FAM168B: variants seen among roughly 807,000 people sequenced by gnomAD.
FAM168B encodes the protein myelin-associated neurite-outgrowth inhibitor.
A neutral mutation model predicts 21.8 loss-of-function variants in FAM168B; 19 were observed. The observed-to-expected ratio is 0.87, with a 90% CI of 0.61 to 1.28. The LOEUF is 1.28. Ranked by LOEUF, FAM168B falls within the 50% of genes most tolerant of loss-of-function variation. The pLI, the probability that FAM168B is intolerant of heterozygous loss-of-function variation, is 0.00. For missense variants in FAM168B, 233 were observed against 263.1 expected (o/e 0.89, Z 0.79); for synonymous variants, 126 against 104.8 (o/e 1.20, Z -1.24).
At chr2:131,091,924 T>C (rs541951149) in intron 1 of FAM168B, among the ~76,000 whole-genome samples, 2 of 149,670 alleles carry the variant, frequency 1.3e-5, no homozygotes, top group African/African-American at 2.5e-5. Context: ...GGTCAGGAGA[T>C]TGGGACCATC....
chr2:131,067,872 GA>G (rs1186903614), intron 3 of FAM168B, among the ~76,000 whole-genome samples: 3 of 152,160 alleles, frequency 2.0e-5, no homozygotes, highest in African/African-American at 7.2e-5. Flanking sequence ...AAGGCTCACT[GA>G]AAAGGGAGTT....
At chr2:131,077,613 C>G (rs921197763) in intron 2 of FAM168B, among the ~76,000 whole-genome samples, 5 of 152,202 alleles carry the variant, frequency 3.3e-5, no homozygotes, top group Admixed American at 6.5e-5. Flanking sequence ...GCCTTGTTGA[C>G]CTGGGCGGTG....
At chr2:131,052,584 A>C in intron 6 of FAM168B, 132 bp from the exon 7 acceptor site, 1 of 774,992 alleles carries the variant, frequency 1.3e-6, no homozygotes, top group Non-Finnish European at 1.7e-6. Flanking sequence ...CCTGGTTCTC[A>C]CTTCCTTCCT....
intron 1 of FAM168B, among the ~76,000 whole-genome samples, chr2:131,089,665 C>T (rs1441942819): frequency 6.6e-6 from 1 of 150,928 alleles, no homozygotes; most frequent in African/African-American, 2.4e-5. Flanking sequence ...TTGCAATGAG[C>T]CGAGATGGCG....
rs1691457354 is a variant in FAM168B at position 131,048,769 on chromosome 2, ACT to A, written c.*3694_*3695del. ...CTCTGCCTTCCCCCAGGCCAACCACACTCTGCTTTAGAGACCCTCTCAGAAAG... is the reference window on the plus strand; with the variant it reads ...CTCTGCCTTCCCCCAGGCCAACCACACTGCTTTAGAGACCCTCTCAGAAAG... On this transcript the variant is annotated 3_prime_UTR_variant, in exon 7 of 7. Coordinates refer to ENST00000389915, the MANE Select transcript of FAM168B (RefSeq NM_001009993.4). 1.0e-6 allele frequency: 1 copy of A among 986,586 alleles called. No individual in the cohort carries two copies. The highest frequency in any genetic ancestry group is 1.2e-6 in the Non-Finnish European group (1 of 830,566). The allele number at this position is 986,586 out of a possible 1,614,324, so 61.1% of individuals were successfully genotyped here. A position where few individuals can be genotyped will look rare whatever the true frequency, so the allele number is the denominator to read the frequency against.
intron 1 of FAM168B, among the ~76,000 whole-genome samples, chr2:131,092,748 T>C (rs1694097910): frequency 6.6e-6 from 1 of 151,988 alleles, no homozygotes; most frequent in Non-Finnish European, 1.5e-5. Flanking sequence ...ATCTTAAAAA[T>C]CTGTAATTTA....
chr2:131,075,775 ACC>A (rs1003655495), intron 2 of FAM168B, among the ~76,000 whole-genome samples: 5 of 152,018 alleles, frequency 3.3e-5, no homozygotes, highest in Non-Finnish European at 7.4e-5. Context: ...GGCACGAGCC[ACC>A]GCGCCCGGCC....
chr2:131,058,402 C>T lies in FAM168B; in HGVS notation c.155-2707G>A, dbSNP rs377267464. Among the ~76,000 whole-genome samples the T allele has an allele frequency of 7.9e-5, 12 of 152,298 alleles. No homozygotes were observed. The East Asian group carries it at 1.9e-3, about 24-fold the overall frequency. On this transcript the variant is annotated intron_variant, in intron 3 of 6. Transcript: ENST00000389915. ...TGGGAGGTGCTGTGGCTGAGATCTG[C>T]AGCAGACCAAACAACAGGTGGTCCT...
At position 131,050,605 on chromosome 2, in the gene FAM168B, C is replaced by T. The variant is rs911610522; in HGVS notation, c.*1860G>A. The T allele has an allele frequency of 7.1e-6, 7 of 985,446 alleles. No individual in the cohort carries two copies. The highest frequency in any genetic ancestry group is 6.1e-5 in the Admixed American group (1 of 16,264). 61.0% of individuals were successfully genotyped at this position (985,446 alleles called of 1,614,324 possible). A position where few individuals can be genotyped will look rare whatever the true frequency, so the allele number is the denominator to read the frequency against. The stretch of plus-strand genomic sequence containing the variant: ...TCAGGAATAAAGAATCTGCTGTTTA[C>T]AATGATCCATGCAAAAATATTCCTA... On this transcript the variant is annotated 3_prime_UTR_variant, in exon 7 of 7. Coordinates refer to ENST00000389915, the MANE Select transcript of FAM168B (RefSeq NM_001009993.4).
At chr2:131,076,596 T>C (rs1049172310) in intron 2 of FAM168B, among the ~76,000 whole-genome samples, 1 of 144,126 alleles carries the variant, frequency 6.9e-6, no homozygotes, top group Non-Finnish European at 1.5e-5. Context: ...CAGCTTGCAG[T>C]GAGCCGAGAT....
intron 2 of FAM168B, among the ~76,000 whole-genome samples, chr2:131,077,681 C>T (rs1693227519): frequency 6.6e-6 from 1 of 152,178 alleles, no homozygotes. Flanking sequence ...GGACAGAAGG[C>T]CGTGGCTGGA....
At position 131,051,761 on chromosome 2, in the gene FAM168B, T is replaced by TGG; in HGVS notation, c.*703_*704insCC. On this transcript the variant is annotated 3_prime_UTR_variant, in exon 7 of 7. Transcript: ENST00000389915. ...TACCATAATCTTTCATGATGAGCTT[T>TGG]AAGCATGTCCCTGTTCCACTGACTC... The TGG allele has an allele frequency of 1.0e-6, 1 of 985,438 alleles. No individual in the cohort carries two copies. Among genetic ancestry groups the TGG allele is most frequent in the Non-Finnish European group, 1.2e-6 (1 of 829,918 alleles). 61.0% of individuals were successfully genotyped at this position (985,438 alleles called of 1,614,324 possible).
chr2:131,062,072 A>G (rs564851618), intron 3 of FAM168B, among the ~76,000 whole-genome samples: 251 of 152,342 alleles, frequency 1.6e-3, no homozygotes, highest in African/African-American at 5.7e-3. Flanking sequence ...CAATAAACCC[A>G]CGACCCACAT....
At chr2:131,052,606 A>G (rs966431234) in intron 6 of FAM168B, among the ~76,000 whole-genome samples, 154 bp from the exon 7 acceptor site, 6 of 152,116 alleles carry the variant, frequency 3.9e-5, no homozygotes, top group Admixed American at 6.5e-5. Context: ...GAGACCCCCA[A>G]TTGCAACTGG....
chr2:131,055,261 C>T lies in FAM168B; in HGVS notation c.475+11G>A, dbSNP rs555047140. ...CACCATAGGACAGACACCGCAGGAA[C>T]GAGGACTTACCTGCTGACATGGCCA... On this transcript the variant is annotated intron_variant, in intron 5 of 6. Coordinates refer to ENST00000389915, the MANE Select transcript of FAM168B (RefSeq NM_001009993.4). 32 of 1,541,024 alleles carry T rather than the reference C, an allele frequency of 2.1e-5. No individual in the cohort carries two copies. Among genetic ancestry groups the T allele is most frequent in the Middle Eastern group, 3.4e-4 (2 of 5,802 alleles).
At position 131,051,648 on chromosome 2, in the gene FAM168B, G is replaced by C; in HGVS notation, c.*817C>G. ...ACATATAAAAACATCATCTCTCTAA[G>C]AGAACTGTAATGAAAATTTAGATAG... On this transcript the variant is annotated 3_prime_UTR_variant, in exon 7 of 7. Transcript: ENST00000389915. 1 of 985,344 alleles carries C rather than the reference G, an allele frequency of 1.0e-6. No homozygotes were observed. The highest frequency in any genetic ancestry group is 4.7e-5 in the South Asian group (1 of 21,282). The allele number at this position is 985,344 out of a possible 1,614,324, so 61.0% of individuals were successfully genotyped here. A position where few individuals can be genotyped will look rare whatever the true frequency, so the allele number is the denominator to read the frequency against.
intron 1 of FAM168B, among the ~76,000 whole-genome samples, chr2:131,083,890 T>G (rs1693546524): frequency 1.3e-5 from 2 of 149,140 alleles, no homozygotes. Context: ...ATTTATTTAT[T>G]TATTTATTTA....
At chr2:131,083,874 GTATTTATT>G (rs10550552) in intron 1 of FAM168B, among the ~76,000 whole-genome samples, 29,040 of 148,004 alleles carry the variant, frequency 0.2, 3,776 homozygotes, top group African/African-American at 0.38. Context: ...GCAATTTCCT[GTATTTATT>G]TATTTATTTA....
intron 3 of FAM168B, among the ~76,000 whole-genome samples, chr2:131,067,721 A>T (rs191464175): frequency 2.0e-5 from 3 of 151,952 alleles, no homozygotes; most frequent in East Asian, 1.9e-4. Context: ...ATCCTATCAC[A>T]CTCACACACA....
Sources: gnomAD v4.1 joint callset for allele counts (sites outside exome capture counted in the v4.1 genomes callset) on GRCh38, gnomAD v4.1.1 for gene constraint, MANE v1.5 for transcripts, NCBI Gene and HGNC (gene_info 2026-07-23, HGNC 2026-07-21) for gene names.